The following GDPD5 variants were observed in gnomAD, a reference collection of about 807,000 sequenced individuals.
GDPD5 encodes glycerophosphodiester phosphodiesterase domain containing 5.
A neutral mutation model predicts 75.1 loss-of-function variants in GDPD5; 48 were observed. The ratio of observed to expected loss-of-function variants is 0.64; its 90% confidence interval spans 0.51 to 0.81. GDPD5 has a LOEUF of 0.81. Among genes scored for constraint, GDPD5 ranks in the 40% least tolerant of loss-of-function variants. GDPD5 has a pLI of 0.00. For synonymous variants in GDPD5, 336 were observed against 339.0 expected, an observed-to-expected ratio of 0.99 and a Z score of 0.10; for missense variants, 706 against 822.6, an observed-to-expected ratio of 0.86 and a Z score of 1.73.
At chr11:75,523,688 G>A (rs1197712682) in intron 1 of GDPD5, among the ~76,000 whole-genome samples, 2 of 152,260 alleles carry the variant, frequency 1.3e-5, no homozygotes, top group East Asian at 1.9e-4. Context: ...GATCACAGGT[G>A]TGAAATTATT....
At position 75,462,801 on chromosome 11, in the gene GDPD5, T is replaced by A. The variant is rs992173764; in HGVS notation, c.206A>T (p.Tyr69Phe). ...LYFWWEVHND[Y>F]DEFNWYLYNR... ...CCCTACTCACCAGTTGAATTCATCA[T>A]AGTCATTGTGGACTTCCCACCAGAA... is the stretch of plus-strand genomic sequence containing the variant. Residue 69 changes from tyrosine (Y) to phenylalanine (F), a missense_variant, in exon 4 of 17, where the codon TAT (tyrosine) becomes TTT (phenylalanine). Coordinates refer to ENST00000336898, the MANE Select transcript of GDPD5 (RefSeq NM_030792.8). The A allele has an allele frequency of 1.2e-6, 2 of 1,609,560 alleles. No individual in the cohort carries two copies. Among genetic ancestry groups the A allele is most frequent in the Non-Finnish European group, 1.7e-6 (2 of 1,177,238 alleles).
chr11:75,452,235 G>A (rs987707302), intron 6 of GDPD5: 12 of 152,346 alleles, frequency 7.9e-5, no homozygotes, highest in African/African-American at 2.4e-4. Flanking sequence ...CCAGGGTTAA[G>A]AGCCTCACTT....
At chr11:75,505,905 A>G (rs1950387928) in intron 1 of GDPD5, among the ~76,000 whole-genome samples, 1 of 152,190 alleles carries the variant, frequency 6.6e-6, no homozygotes, top group Non-Finnish European at 1.5e-5. Flanking sequence ...CTCCATGCCT[A>G]GGTTTCTCTC....
At chr11:75,487,666 G>A (rs1269309262) in intron 2 of GDPD5, among the ~76,000 whole-genome samples, 1 of 152,242 alleles carries the variant, frequency 6.6e-6, no homozygotes, top group Non-Finnish European at 1.5e-5. Context: ...TCGGGAGGAG[G>A]CTGGCAGGGC....
At chr11:75,448,920 TC>T (rs147640219) in intron 9 of GDPD5, 56 bp downstream of exon 9, 9 of 1,501,788 alleles carry the variant, frequency 6.0e-6, no homozygotes, top group East Asian at 2.5e-5. Context: ...CCCAAGAAGG[TC>T]CCCCCCATCG....
Position 75,434,703 on chromosome 11 carries a change from A to T in GDPD5, c.*804T>A, listed in dbSNP as rs904980729. On this transcript the variant is annotated 3_prime_UTR_variant, in exon 17 of 17. Transcript: ENST00000336898. ...AGGTTCCCTCTGTTCAGGCCCACTT[A>T]GCCACACACCCACCCTGGCCATATC... 6.6e-6 allele frequency: 1 copy of T among 152,226 alleles called. No homozygotes were observed. The highest frequency in any genetic ancestry group is 2.4e-5 in the African/African-American group (1 of 41,444). The allele number at this position is 152,226 out of a possible 1,614,324, so 9.4% of individuals were successfully genotyped here. A position where few individuals can be genotyped will look rare whatever the true frequency, so the allele number is the denominator to read the frequency against.
At chr11:75,484,905 T>C (rs527892109) in intron 2 of GDPD5, among the ~76,000 whole-genome samples, 8 of 152,034 alleles carry the variant, frequency 5.3e-5, no homozygotes, top group Non-Finnish European at 1.2e-4. Flanking sequence ...TTGACAACCT[T>C]CCTGAGCAAA....
intron 1 of GDPD5, among the ~76,000 whole-genome samples, chr11:75,495,582 G>A (rs1019117250): frequency 6.6e-6 from 1 of 152,034 alleles, no homozygotes. Context: ...TTTATCACTC[G>A]CAGTCAAATA....
intron 3 of GDPD5, among the ~76,000 whole-genome samples, chr11:75,467,871 C>G (rs1037978717): frequency 6.6e-6 from 1 of 152,180 alleles, no homozygotes; most frequent in Non-Finnish European, 1.5e-5. Flanking sequence ...GAAGGCCAGT[C>G]CTTCTCCTCA....
chr11:75,442,661 T>C, intron 11 of GDPD5, 80 bp from the exon 12 acceptor site: 2 of 1,267,570 alleles, frequency 1.6e-6, no homozygotes, highest in Non-Finnish European at 2.2e-6. Context: ...CAACCAAGCG[T>C]GGAGACCCCT....
In GDPD5 at chr11:75,457,755, C is replaced by T. The variant is rs143086667; in HGVS notation, c.253G>A (p.Asp85Asn). ...YLYNRMGYWS[D>N]WPVPILVTTA... ...GTCACAAGGATGGGTACGGGCCAGT[C>T]GCTCCAGTAGCCCATGCGGTTGTAG... The change falls in exon 5 of 17, where the codon GAC becomes AAC. Residue 85 changes from aspartate to asparagine, a missense_variant. Transcript: ENST00000336898. The T allele has an allele frequency of 9.3e-6, 15 of 1,614,052 alleles. No homozygotes were observed. Among genetic ancestry groups the T allele is most frequent in the African/African-American group, 5.3e-5 (4 of 75,038 alleles).
Position 75,444,219 on chromosome 11 carries a change from G to C in GDPD5, c.797+194C>G, listed in dbSNP as rs891848481. 6.6e-5 allele frequency among the ~76,000 whole-genome samples: 10 copies of C among 152,114 alleles called. 1 individual carries two copies. Among genetic ancestry groups the C allele is most frequent in the Non-Finnish European group, 1.5e-4 (10 of 68,028 alleles). ...GTGGCAGTGCTCCTGCTTGCACCAA[G>C]AGCATTTGTTCTTTCCTCTATTTTA... On this transcript the variant is annotated intron_variant, in intron 10 of 16. Transcript: ENST00000336898.
chr11:75,522,660 C>A (rs1477271758), intron 1 of GDPD5, among the ~76,000 whole-genome samples: 1 of 152,140 alleles, frequency 6.6e-6, no homozygotes, highest in Admixed American at 6.5e-5. Flanking sequence ...CTGTCCTATC[C>A]TGCCTGCCCC....
At chr11:75,517,115 G>A (rs1234148955) in intron 1 of GDPD5, among the ~76,000 whole-genome samples, 1 of 152,182 alleles carries the variant, frequency 6.6e-6, no homozygotes, top group African/African-American at 2.4e-5. Flanking sequence ...AGGTTGCTAG[G>A]TGGAAGTTGT....
At chr11:75,483,464 C>G (rs1171282911) in intron 2 of GDPD5, among the ~76,000 whole-genome samples, 1 of 152,148 alleles carries the variant, frequency 6.6e-6, no homozygotes, top group African/African-American at 2.4e-5. Context: ...ACCCTTTCTC[C>G]CTCCCATAAC....
At chr11:75,454,578 G>A (rs948174787) in intron 6 of GDPD5, among the ~76,000 whole-genome samples, 10 of 152,212 alleles carry the variant, frequency 6.6e-5, no homozygotes, top group African/African-American at 2.2e-4. Context: ...CTGGCTAGAC[G>A]CCTAGGGAAT....
Position 75,497,527 on chromosome 11 carries a change from G to A in GDPD5, c.-144-7207C>T, listed in dbSNP as rs371589344. Among the ~76,000 whole-genome samples, 8 of 133,620 alleles carry A rather than the reference G, an allele frequency of 6.0e-5. No individual in the cohort carries two copies. In the East Asian group the frequency reaches 1.1e-3, roughly 18 times the overall value. 87.7% of individuals were successfully genotyped at this position (133,620 alleles called of 152,430 possible). Reference sequence around the variant, plus strand: ...ATTTTTAGACCACTTTCTCCTCTGGGACCACCACCCTAAGGGCACCCTCTC... The same window carrying A: ...ATTTTTAGACCACTTTCTCCTCTGGAACCACCACCCTAAGGGCACCCTCTC... On this transcript the variant is annotated intron_variant, in intron 1 of 16. Transcript: ENST00000336898.
intron 1 of GDPD5, among the ~76,000 whole-genome samples, chr11:75,508,716 G>A (rs532793931): frequency 3.0e-4 from 46 of 152,256 alleles, no homozygotes; most frequent in African/African-American, 9.9e-4. Flanking sequence ...CAATCTAAGC[G>A]GAGGGAGGAT....
rs1941624827 is a variant in GDPD5, at chr11:75,525,268, G to C, written c.-203C>G. 6.6e-6 allele frequency: 1 copy of C among 152,334 alleles called. No individual in the cohort carries two copies. Among genetic ancestry groups the C allele is most frequent in the African/African-American group, 2.4e-5 (1 of 41,452 alleles). The allele number at this position is 152,334 out of a possible 1,614,324, so 9.4% of individuals were successfully genotyped here. A position where few individuals can be genotyped will look rare whatever the true frequency, so the allele number is the denominator to read the frequency against. On this transcript the variant is annotated 5_prime_UTR_variant, in exon 1 of 17. Transcript: ENST00000336898. ...GAAGGGGACCCCTGTGTTATCTTCG[G>C]GGCAGGCGCTGAACCCCTCACCTGA...
Sources: allele counts gnomAD v4.1 joint callset (sites outside exome capture counted in the v4.1 genomes callset), GRCh38; gene constraint gnomAD v4.1.1; transcripts MANE v1.5; gene names NCBI Gene and HGNC (gene_info 2026-07-23, HGNC 2026-07-21).